The following ABR variants were observed in gnomAD, a reference collection of about 807,000 sequenced individuals.
ABR encodes the protein ABR activator of RhoGEF and GTPase, also known as active breakpoint cluster region-related protein.
A neutral mutation model predicts 107.2 loss-of-function variants in ABR; 35 were observed. The observed-to-expected ratio is 0.33, with a 90% CI of 0.25 to 0.43. ABR has a LOEUF of 0.43. Among genes scored for constraint, ABR ranks in the 20% least tolerant of loss-of-function variants. ABR has a pLI of 1.00. For synonymous variants in ABR, 498 were observed against 462.0 expected (o/e 1.08, Z -1.00); for missense variants, 815 against 1,115.2 (o/e 0.73, Z 3.83).
intron 2 of ABR, among the ~76,000 whole-genome samples, chr17:1,107,080 T>C (rs2151378024): frequency 6.6e-6 from 1 of 152,250 alleles, no homozygotes; most frequent in South Asian, 2.1e-4. Flanking sequence ...ATTCTAGAGG[T>C]GTTCAGGATG....
chr17:1,185,766 TG>T (rs2042275747), intron 1 of ABR, among the ~76,000 whole-genome samples: 1 of 151,472 alleles, frequency 6.6e-6, no homozygotes, highest in Non-Finnish European at 1.5e-5. Context: ...TGTCAGATCC[TG>T]GGGTGGCCTG....
intron 1 of ABR, among the ~76,000 whole-genome samples, chr17:1,173,082 A>C (rs924697355): frequency 5.6e-4 from 20 of 35,922 alleles, no homozygotes; most frequent in Admixed American, 1.4e-3. Context: ...ACCTCAGTCC[A>C]CCCCCCCCAT....
chr17:1,181,176 G>A (rs1305382814), upstream of ABR, among the ~76,000 whole-genome samples: 1 of 152,224 alleles, frequency 6.6e-6, no homozygotes, highest in Non-Finnish European at 1.5e-5. Context: ...CTGGAGGGGT[G>A]TGGGGGTCGG....
At chr17:1,125,910 G>GGAGGAC (rs1295712772) in intron 1 of ABR, among the ~76,000 whole-genome samples, 1 of 152,174 alleles carries the variant, frequency 6.6e-6, no homozygotes, top group Non-Finnish European at 1.5e-5. Flanking sequence ...GGCCCCGCAC[G>GGAGGAC]GAGGACGGAG....
intron 2 of ABR, among the ~76,000 whole-genome samples, chr17:1,123,896 G>A (rs1365759467): frequency 2.6e-5 from 4 of 152,194 alleles, no homozygotes; most frequent in African/African-American, 9.7e-5. Flanking sequence ...GGTCCGAGAC[G>A]CTTGTCTCTA....
At chr17:1,040,957 A>C (rs2030323168) in intron 16 of ABR, among the ~76,000 whole-genome samples, 1 of 152,210 alleles carries the variant, frequency 6.6e-6, no homozygotes, top group African/African-American at 2.4e-5. Flanking sequence ...TCTGTAGCCC[A>C]GGCTGGAGTG....
At chr17:1,013,230 G>T (rs1020217842) in intron 16 of ABR, 66 bp from the exon 17 acceptor site, 4 of 1,467,100 alleles carry the variant, frequency 2.7e-6, no homozygotes, top group Admixed American at 3.3e-5. Flanking sequence ...TCTCCCCGTG[G>T]GTCAGCACTG....
intron 16 of ABR, among the ~76,000 whole-genome samples, chr17:1,013,913 C>A (rs2070887896): frequency 6.6e-6 from 1 of 152,206 alleles, no homozygotes. Flanking sequence ...AACTCGGGGG[C>A]CTTCGCGCCC....
intron 1 of ABR, among the ~76,000 whole-genome samples, chr17:1,197,847 C>G (rs2042598214): frequency 6.6e-6 from 1 of 151,666 alleles, no homozygotes; most frequent in Non-Finnish European, 1.5e-5. Flanking sequence ...AGAGCAGTAT[C>G]TATGGTGTCC....
At chr17:1,045,974 G>T (rs887146090) in intron 16 of ABR, among the ~76,000 whole-genome samples, 4 of 152,286 alleles carry the variant, frequency 2.6e-5, no homozygotes, top group African/African-American at 9.6e-5. Context: ...AGGTTCAAGT[G>T]ATTCTCCTCC....
Position 1,050,689 on chromosome 17 carries a change from C to G in ABR, c.1562-55G>C. The G allele has an allele frequency of 6.9e-7, 1 of 1,450,680 alleles. No individual in the cohort carries two copies. The highest frequency in any genetic ancestry group is 2.3e-5 in the East Asian group (1 of 43,846). 89.9% of individuals were successfully genotyped at this position (1,450,680 alleles called of 1,614,324 possible). A position where few individuals can be genotyped will look rare whatever the true frequency, so the allele number is the denominator to read the frequency against. On this transcript the variant is annotated intron_variant, in intron 14 of 22. Coordinates refer to ENST00000302538, the MANE Select transcript of ABR (RefSeq NM_021962.5). The surrounding 1 kb of genome is among the most constrained non-coding windows in gnomAD (Gnocchi z 4.6). ...AGTGAGTGGGGCCAGGGTGGGGCAG[C>G]TGGGGCGGCACTCAGGATGGAGGGG...
chr17:1,012,629 G>C, intron 18 of ABR, 59 bp downstream of exon 18: 1 of 1,339,596 alleles, frequency 7.5e-7, no homozygotes, highest in Non-Finnish European at 1.0e-6. Context: ...TGGGGGGCCC[G>C]GGCTGGGGGG....
intron 16 of ABR, among the ~76,000 whole-genome samples, chr17:1,018,146 C>T (rs1251963463): frequency 6.6e-6 from 1 of 152,006 alleles, no homozygotes; most frequent in Non-Finnish European, 1.5e-5. Context: ...GGGTTCACGC[C>T]ATTCTCCTGC....
intron 10 of ABR, among the ~76,000 whole-genome samples, chr17:1,060,444 G>A (rs1171404979): frequency 1.3e-5 from 2 of 152,084 alleles, no homozygotes; most frequent in East Asian, 3.9e-4. Flanking sequence ...ACATCCAAAG[G>A]GCTCAAAGAC....
chr17:1,032,245 G>A (rs2072865473), intron 16 of ABR, among the ~76,000 whole-genome samples: 1 of 152,082 alleles, frequency 6.6e-6, no homozygotes, highest in Non-Finnish European at 1.5e-5. Flanking sequence ...CCCTGGGGTC[G>A]CACTTCCCCA....
At chr17:1,137,465 G>C (rs1175506573) in intron 1 of ABR, among the ~76,000 whole-genome samples, 1 of 152,164 alleles carries the variant, frequency 6.6e-6, no homozygotes, top group African/African-American at 2.4e-5. Flanking sequence ...GGCTGGAGCG[G>C]GGAGAGGAGA....
At chr17:1,195,238 C>T (rs1489856141) in intron 1 of ABR, among the ~76,000 whole-genome samples, 1 of 136,558 alleles carries the variant, frequency 7.3e-6, no homozygotes, top group Non-Finnish European at 1.6e-5. Flanking sequence ...ACCCGGAAGG[C>T]GGAGCTTGCA....
intron 1 of ABR, among the ~76,000 whole-genome samples, chr17:1,130,235 T>A (rs1429830535): frequency 6.6e-6 from 1 of 151,992 alleles, no homozygotes; most frequent in Non-Finnish European, 1.5e-5. Flanking sequence ...AGAAGTCAGG[T>A]CTGCAGACTC....
At chr17:1,048,915 T>C (rs995016058) in intron 16 of ABR, among the ~76,000 whole-genome samples, 1 of 152,150 alleles carries the variant, frequency 6.6e-6, no homozygotes, top group African/African-American at 2.4e-5. Context: ...CTCCCTTCAT[T>C]TCATGGTCAC....
Sources: allele counts gnomAD v4.1 joint callset (sites outside exome capture counted in the v4.1 genomes callset), GRCh38; gene constraint gnomAD v4.1.1; non-coding constraint Gnocchi (gnomAD v3.1); transcripts MANE v1.5; gene names NCBI Gene and HGNC (gene_info 2026-07-23, HGNC 2026-07-21).